Variants in NSUN7 observed in about 807,000 individuals in gnomAD.
The protein encoded by NSUN7 is protein NSUN7.
In NSUN7, 39 loss-of-function variants were observed where a neutral mutation model predicts 58.5. That is an observed-to-expected ratio of 0.67 (90% CI 0.52 to 0.87). The LOEUF (loss-of-function observed/expected upper bound fraction) is 0.87, where lower values mean the gene tolerates loss of function less well. NSUN7 is among the 40% of genes least tolerant of loss of function. The pLI is 0.00. For synonymous variants in NSUN7, 278 were observed against 303.7 expected (o/e 0.92, Z 0.88); for missense variants, 765 against 844.1 (o/e 0.91, Z 1.16).
Position 40,750,740 on chromosome 4 carries a change from C to T in NSUN7, c.47C>T (p.Pro16Leu). 2 of 1,614,052 alleles carry T rather than the reference C, an allele frequency of 1.2e-6. No homozygotes were observed. Among genetic ancestry groups the T allele is most frequent in the Non-Finnish European group, 1.7e-6 (2 of 1,179,986 alleles). ...CTGGAGTTTTCGAACGAAGAAGATCCCGAGATCATCTCCCAACTCACTTCC... is the reference window on the plus strand; with the variant it reads ...CTGGAGTTTTCGAACGAAGAAGATCTCGAGATCATCTCCCAACTCACTTCC... The part of the protein sequence containing the change: ...GELEFSNEED[P>L]EIISQLTSLP... Residue 16 changes from proline to leucine, a missense_variant, in exon 2 of 12, where the codon CCC (proline) becomes CTC (leucine). Pro to Leu is a moderately conservative substitution (Grantham distance 98). Coordinates refer to ENST00000381782, the MANE Select transcript of NSUN7 (RefSeq NM_024677.6).
chr4:40,751,220 G>T (rs1740817410), intron 2 of NSUN7, among the ~76,000 whole-genome samples: 1 of 152,184 alleles, frequency 6.6e-6, no homozygotes, highest in South Asian at 2.1e-4. Context: ...CCTTAGATCG[G>T]TGTAGTGCGC....
At chr4:40,792,219 T>C (rs1290711841) in intron 8 of NSUN7, among the ~76,000 whole-genome samples, 1 of 152,078 alleles carries the variant, frequency 6.6e-6, no homozygotes, top group East Asian at 1.9e-4. Flanking sequence ...GCAGCTATAA[T>C]AAGCATAGCA....
At chr4:40,795,734 G>A (rs190747293) in intron 9 of NSUN7, among the ~76,000 whole-genome samples, 1 of 152,104 alleles carries the variant, frequency 6.6e-6, no homozygotes, top group Admixed American at 6.5e-5. Flanking sequence ...TGATAGAACC[G>A]ATTAAAAGCC....
At chr4:40,799,080 T>TTTTTG (rs1441393188) in intron 10 of NSUN7, among the ~76,000 whole-genome samples, 176 bp downstream of exon 10, 5 of 136,642 alleles carry the variant, frequency 3.7e-5, no homozygotes, top group African/African-American at 1.4e-4. Context: ...TTTCTTTTTT[T>TTTTTG]TTTTTTTTTT....
At chr4:40,754,172 C>G (rs925075385) in intron 2 of NSUN7, among the ~76,000 whole-genome samples, 9 of 143,944 alleles carry the variant, frequency 6.3e-5, no homozygotes, top group African/African-American at 2.3e-4. Context: ...GAGACAGAGT[C>G]TTGCTCTGTC....
chr4:40,782,333 T>G (rs373223127), intron 7 of NSUN7, among the ~76,000 whole-genome samples: 2 of 151,650 alleles, frequency 1.3e-5, no homozygotes, highest in African/African-American at 4.8e-5. Context: ...GAGGCTGAGG[T>G]GGGTAGATCA....
Position 40,750,793 on chromosome 4 carries a change from G to T in NSUN7, c.100G>T (p.Ala34Ser). 6.2e-7 allele frequency: 1 copy of T among 1,614,182 alleles called. No homozygotes were observed. The highest frequency in any genetic ancestry group is 8.5e-7 in the Non-Finnish European group (1 of 1,180,024). The change falls in exon 2 of 12, where the codon GCT becomes TCT. Residue 34 changes from alanine (A) to serine (S), a missense_variant. Ala to Ser is a moderately conservative substitution (Grantham distance 99). Transcript: ENST00000381782. ...GCCTCTGTCCGGTGGGAAAAGCTCA[G>T]CTGGTGTGCCCGAAAAAACGGGCTA... ...SLPLSGGKSS[A>S]GVPEKTGYPD...
intron 5 of NSUN7, 40 bp downstream of exon 5, chr4:40,774,457 A>G (rs1258810945): frequency 5.1e-6 from 8 of 1,582,204 alleles, no homozygotes; most frequent in South Asian, 2.2e-5. Context: ...TCAAGTCTCC[A>G]TCCTTTTAAA....
chr4:40,765,978 T>G (rs1741705175), intron 4 of NSUN7, among the ~76,000 whole-genome samples: 2 of 152,244 alleles, frequency 1.3e-5, no homozygotes, highest in Admixed American at 6.5e-5. Flanking sequence ...AAGGAGATTT[T>G]GGGCTGAGAC....
At chr4:40,771,085 A>G (rs1265260815) in intron 4 of NSUN7, among the ~76,000 whole-genome samples, 1 of 152,176 alleles carries the variant, frequency 6.6e-6, no homozygotes, top group Non-Finnish European at 1.5e-5. Context: ...GAAAAATGGC[A>G]TATTAGTTAA....
chr4:40,800,509 T>G (rs1447556414), intron 10 of NSUN7, among the ~76,000 whole-genome samples: 2 of 152,132 alleles, frequency 1.3e-5, no homozygotes, highest in Non-Finnish European at 2.9e-5. Flanking sequence ...CTGGCTAATT[T>G]TTGTATTTTT....
chr4:40,774,263 A>G lies in NSUN7; in HGVS notation c.489-2A>G. Reference sequence around the variant, plus strand: ...GATTAAGGATGGATTTTCTGTCTCTAGTTTTAAGATAAAATTGGCTGCAGC... The same window carrying G: ...GATTAAGGATGGATTTTCTGTCTCTGGTTTTAAGATAAAATTGGCTGCAGC... On this transcript the variant is annotated splice_acceptor_variant, in intron 4 of 11. Transcript: ENST00000381782. LOFTEE classifies it high-confidence loss of function. 1 of 1,613,794 alleles carries G rather than the reference A, an allele frequency of 6.2e-7. No homozygotes were observed. The highest frequency in any genetic ancestry group is 8.5e-7 in the Non-Finnish European group (1 of 1,179,678).
chr4:40,763,700 T>C (rs905588230), intron 4 of NSUN7, among the ~76,000 whole-genome samples: 1 of 152,170 alleles, frequency 6.6e-6, no homozygotes, highest in African/African-American at 2.4e-5. Context: ...CAGAAGATAT[T>C]AATGTCTAAG....
intron 10 of NSUN7, among the ~76,000 whole-genome samples, chr4:40,799,637 G>T (rs1004794607): frequency 6.6e-6 from 1 of 152,144 alleles, no homozygotes; most frequent in East Asian, 1.9e-4. Context: ...ATATTGGTTT[G>T]AGATTTGAGC....
At chr4:40,791,601 TAAATG>T (rs1433557333) in intron 8 of NSUN7, among the ~76,000 whole-genome samples, 1 of 152,190 alleles carries the variant, frequency 6.6e-6, no homozygotes. Flanking sequence ...TGCTCCAAAT[TAAATG>T]AAACTTATGC....
At chr4:40,806,050 G>C (rs1403969616) in intron 10 of NSUN7, among the ~76,000 whole-genome samples, 1 of 152,018 alleles carries the variant, frequency 6.6e-6, no homozygotes, top group Non-Finnish European at 1.5e-5. Context: ...TGTTGCCCAG[G>C]CCGGAGTGCA....
chr4:40,805,772 T>A (rs1743786298), intron 10 of NSUN7, among the ~76,000 whole-genome samples: 1 of 152,134 alleles, frequency 6.6e-6, no homozygotes, highest in Non-Finnish European at 1.5e-5. Context: ...TCCCCTGCGC[T>A]CTCCCAGCTT....
At chr4:40,752,042 C>G (rs1331780562) in intron 2 of NSUN7, among the ~76,000 whole-genome samples, 1 of 152,134 alleles carries the variant, frequency 6.6e-6, no homozygotes, top group Non-Finnish European at 1.5e-5. Context: ...GGAGAGCAGT[C>G]AAAAGGCTTG....
At chr4:40,805,398 C>T (rs1450123853) in intron 10 of NSUN7, among the ~76,000 whole-genome samples, 1 of 152,152 alleles carries the variant, frequency 6.6e-6, no homozygotes, top group Non-Finnish European at 1.5e-5. Context: ...TATTCCTTGT[C>T]CCGAGTTCCC....
Sources: allele counts gnomAD v4.1 joint callset (sites outside exome capture counted in the v4.1 genomes callset), GRCh38; gene constraint gnomAD v4.1.1; transcripts MANE v1.5; gene names NCBI Gene and HGNC (gene_info 2026-07-23, HGNC 2026-07-21).